Variants in EPS15L1 observed in about 807,000 individuals in gnomAD.
The protein encoded by EPS15L1 is epidermal growth factor receptor substrate 15-like 1.
EPS15L1 carries 43 observed loss-of-function variants against 117.1 expected under a neutral mutation model. The ratio of observed to expected loss-of-function variants is 0.37; its 90% CI spans 0.29 to 0.47. The LOEUF (loss-of-function observed/expected upper bound fraction) is 0.47. Among genes scored for constraint, EPS15L1 ranks in the 20% least tolerant of loss-of-function variants. The pLI, the probability that EPS15L1 is intolerant of heterozygous loss-of-function variation, is 0.99. For synonymous variants in EPS15L1, 459 were observed against 470.5 expected (o/e 0.98, Z 0.32); for missense variants, 981 against 1,164.0 (o/e 0.84, Z 2.29).
At chr19:16,462,642 T>G (rs1196690079) in intron 1 of EPS15L1, among the ~76,000 whole-genome samples, 1 of 152,084 alleles carries the variant, frequency 6.6e-6, no homozygotes, top group Non-Finnish European at 1.5e-5. Context: ...CACTCCAGCC[T>G]GGGTGACAAA....
intron 22 of EPS15L1, among the ~76,000 whole-genome samples, chr19:16,363,936 C>A (rs577199509): frequency 6.6e-6 from 1 of 152,250 alleles, no homozygotes; most frequent in Non-Finnish European, 1.5e-5. Flanking sequence ...ACAAACTCCC[C>A]TGCAGCCCAC....
At chr19:16,438,255 A>G (rs545147167) in intron 4 of EPS15L1, among the ~76,000 whole-genome samples, 1 of 152,192 alleles carries the variant, frequency 6.6e-6, no homozygotes, top group South Asian at 2.1e-4. Context: ...TGGGAGGCTG[A>G]GGCAGGAGAA....
In EPS15L1 at chr19:16,436,995, T is replaced by G; in HGVS notation, c.314A>C (p.Asp105Ala). The G allele has an allele frequency of 6.2e-7, 1 of 1,613,954 alleles. No individual in the cohort carries two copies. The highest frequency in any genetic ancestry group is 8.5e-7 in the Non-Finnish European group (1 of 1,179,880). ...NLSMPPPKFHDTSSPLMVTPP... is the reference protein window; with the variant it reads ...NLSMPPPKFHATSSPLMVTPP... ...TGTGACCATCAGAGGGCTGCTGGTG[T>G]CGTGCTGAGAAGAGAGAGAAACATT... The change falls in exon 6 of 24, where the codon GAC becomes GCC. Residue 105 changes from aspartate to alanine, a missense_variant. Physicochemically the swap from Asp to Ala is moderately radical, Grantham distance 126. Coordinates refer to ENST00000455140, the MANE Select transcript of EPS15L1 (RefSeq NM_001258374.3).
rs777537664 is a variant in EPS15L1 at position 16,421,351 on chromosome 19, C to A, written c.918G>T (p.Ser306=). Residue 306 remains serine (S), a synonymous_variant, in exon 10 of 24, where the codon TCG becomes TCT. Transcript: ENST00000455140. ...GTGCTAGAAGGTTCTGGGTGAGGCC[C>A]GAGTGCATGAAGATCTCCTTCACCT... is the stretch of plus-strand genomic sequence containing the variant. ...GQEVKEIFMH[S]GLTQNLLAHI... The A allele has an allele frequency of 1.2e-6, 2 of 1,613,232 alleles. No homozygotes were observed. The highest frequency in any genetic ancestry group is 1.7e-6 in the Non-Finnish European group (2 of 1,179,496).
At chr19:16,438,217 G>A (rs1272497641) in intron 4 of EPS15L1, among the ~76,000 whole-genome samples, 2 of 152,172 alleles carry the variant, frequency 1.3e-5, no homozygotes, top group African/African-American at 4.8e-5. Context: ...GCCAGGCGTG[G>A]TGGCAGGTGC....
intron 16 of EPS15L1, among the ~76,000 whole-genome samples, chr19:16,399,221 C>A (rs1268335022): frequency 2.6e-5 from 4 of 152,130 alleles, no homozygotes; most frequent in African/African-American, 4.8e-5. Flanking sequence ...GTCAGGGTAA[C>A]TAATAGTGGT....
chr19:16,381,611 C>A lies in EPS15L1; in HGVS notation c.2247+3518G>T, dbSNP rs2144723726. On this transcript the variant is annotated intron_variant, in intron 21 of 23. Coordinates refer to ENST00000455140, the MANE Select transcript of EPS15L1 (RefSeq NM_001258374.3). This position sits in a 1 kb window ranked among gnomAD's most constrained non-coding sequence, Gnocchi z 4.2. ...CATGGACCACACGACAATGATCACA[C>A]CAAGTACGAAGCTGCGATTGGAATC... 6.6e-6 allele frequency among the ~76,000 whole-genome samples: 1 copy of A among 152,326 alleles called. No homozygotes were observed. Among genetic ancestry groups the A allele is most frequent in the Non-Finnish European group, 1.5e-5 (1 of 68,026 alleles).
Position 16,371,329 on chromosome 19 carries a change from A to T in EPS15L1, c.2380+5793T>A, listed in dbSNP as rs2092221639. Among the ~76,000 whole-genome samples the T allele has an allele frequency of 6.6e-6, 1 of 152,166 alleles. No individual in the cohort carries two copies. Among genetic ancestry groups the T allele is most frequent in the Non-Finnish European group, 1.5e-5 (1 of 68,016 alleles). ...AAGAACTCACGGCCACCCTGGGTGG[A>T]TGCCACACACAGGTACGGGAGGGGC... On this transcript the variant is annotated intron_variant, in intron 22 of 23. Transcript: ENST00000455140. The surrounding 1 kb of genome is among the most constrained non-coding windows in gnomAD (Gnocchi z 4.7).
At chr19:16,401,416 C>T (rs926748565) in intron 16 of EPS15L1, 2 of 985,368 alleles carry the variant, frequency 2.0e-6, no homozygotes, top group Non-Finnish European at 2.4e-6. Flanking sequence ...GAATCCATGA[C>T]GTACAGAGGC....
intron 1 of EPS15L1, among the ~76,000 whole-genome samples, chr19:16,449,932 A>T (rs774360940): frequency 3.9e-5 from 6 of 152,244 alleles, no homozygotes; most frequent in Non-Finnish European, 7.3e-5. Context: ...TCCATCACAT[A>T]ACATCATTAA....
rs1484393373 is a variant in EPS15L1 at position 16,471,701 on chromosome 19, C to T, written c.33+212G>A. ...ACACGCGCTGCGCACCTCCTCGCCT[C>T]GCCGGTGCCCGCGAGGGTCGCTCGG... On this transcript the variant is annotated intron_variant, in intron 1 of 23. Transcript: ENST00000455140. The surrounding 1 kb of genome is among the most constrained non-coding windows in gnomAD (Gnocchi z 4.8). Among the ~76,000 whole-genome samples, 1 of 152,038 alleles carries T rather than the reference C, an allele frequency of 6.6e-6. No homozygotes were observed. The highest frequency in any genetic ancestry group is 2.4e-5 in the African/African-American group (1 of 41,540).
At chr19:16,423,431 GGT>G (rs1233642069) in intron 9 of EPS15L1, among the ~76,000 whole-genome samples, 2 of 152,078 alleles carry the variant, frequency 1.3e-5, no homozygotes, top group African/African-American at 2.4e-5. Flanking sequence ...AAATTAGCTA[GGT>G]GTGGTGGCAT....
chr19:16,401,080 T>C (rs2092595839), intron 16 of EPS15L1: 2 of 985,262 alleles, frequency 2.0e-6, no homozygotes, highest in Non-Finnish European at 2.4e-6. Context: ...GAAGGATGAA[T>C]GCTCATCGTT....
intron 8 of EPS15L1, among the ~76,000 whole-genome samples, chr19:16,427,131 A>G (rs2092880361): frequency 6.6e-6 from 1 of 152,094 alleles, no homozygotes; most frequent in Non-Finnish European, 1.5e-5. Context: ...AAATGTAGGA[A>G]ATTAGTGACA....
At chr19:16,455,734 G>C (rs1188871075) in intron 1 of EPS15L1, among the ~76,000 whole-genome samples, 1 of 152,188 alleles carries the variant, frequency 6.6e-6, no homozygotes, top group African/African-American at 2.4e-5. Context: ...CTGGAGATGA[G>C]GGTGAGCACT....
chr19:16,441,593 C>T (rs2093032188), intron 3 of EPS15L1: 1 of 191,970 alleles, frequency 5.2e-6, no homozygotes, highest in Non-Finnish European at 1.0e-5. Flanking sequence ...CGCGCCGCTG[C>T]ATTCCAGCCT....
chr19:16,388,299 C>T (rs921251220), intron 19 of EPS15L1, among the ~76,000 whole-genome samples: 7 of 152,132 alleles, frequency 4.6e-5, no homozygotes, highest in African/African-American at 1.4e-4. Flanking sequence ...CTCAGCCTCC[C>T]AAAGTCCTGG....
At position 16,404,593 on chromosome 19, in the gene EPS15L1, G is replaced by A; in HGVS notation, c.1423C>T (p.Gln475Ter). 6.2e-7 allele frequency: 1 copy of A among 1,614,104 alleles called. No homozygotes were observed. The highest frequency in any genetic ancestry group is 8.5e-7 in the Non-Finnish European group (1 of 1,180,004). ...CGGAGGTGGCCGGGACCCACCATCT[G>A]AGTCTCATCCTGGCACTTCTGCCGG... Reference protein sequence around the residue: ...DVRQKCQDETQMISSLKTQIQ... With the variant: ...DVRQKCQDET The change falls in exon 14 of 24, where the codon CAG becomes TAG. Residue 475 changes from glutamine to a stop codon, truncating the protein, a stop_gained. Transcript: ENST00000455140. LOFTEE classifies it high-confidence loss of function. This position sits in a 1 kb window ranked among gnomAD's most constrained non-coding sequence, Gnocchi z 4.2.
chr19:16,438,876 A>T (rs190491840), intron 4 of EPS15L1, among the ~76,000 whole-genome samples: 2 of 151,942 alleles, frequency 1.3e-5, no homozygotes, highest in African/African-American at 2.4e-5. Flanking sequence ...TCAGAAACTC[A>T]TATCTGTGGT....
Sources: allele counts gnomAD v4.1 joint callset (sites outside exome capture counted in the v4.1 genomes callset), GRCh38; gene constraint gnomAD v4.1.1; non-coding constraint Gnocchi (gnomAD v3.1); transcripts MANE v1.5; gene names NCBI Gene and HGNC (gene_info 2026-07-23, HGNC 2026-07-21).